KIAA2012: variants seen among roughly 807,000 people sequenced by gnomAD.
KIAA2012 encodes KIAA2012, also known as uncharacterized protein KIAA2012.
In KIAA2012, 125 loss-of-function variants were observed where a neutral mutation model predicts 150.6. The ratio of observed to expected loss-of-function variants is 0.83; its 90% CI spans 0.72 to 0.96. The LOEUF is 0.96. KIAA2012 is among the 40% of genes least tolerant of loss of function. The probability of loss-of-function intolerance (pLI) is 0.00; values close to 1 mark genes in which losing one functional copy is unlikely to be tolerated. For synonymous variants in KIAA2012, 462 were observed against 504.7 expected, an observed-to-expected ratio of 0.92 and a Z score of 1.13; for missense variants, 1,219 against 1,354.9, an observed-to-expected ratio of 0.90 and a Z score of 1.57.
chr2:202,131,323 T>C (rs1290474840), intron 12 of KIAA2012, among the ~76,000 whole-genome samples: 1 of 152,148 alleles, frequency 6.6e-6, no homozygotes, highest in Non-Finnish European at 1.5e-5. Context: ...GTATTTTTAG[T>C]ACAGATGAGG....
intron 22 of KIAA2012, among the ~76,000 whole-genome samples, chr2:202,199,499 A>AT (rs1205438414): frequency 6.6e-6 from 1 of 151,988 alleles, no homozygotes; most frequent in African/African-American, 2.4e-5. Flanking sequence ...TTTATTCTAC[A>AT]TTTTTAGCAT....
At chr2:202,203,644 A>G (rs535978192) in intron 23 of KIAA2012, among the ~76,000 whole-genome samples, 5 of 152,316 alleles carry the variant, frequency 3.3e-5, no homozygotes, top group South Asian at 2.1e-4. Context: ...AGGAAGTTCT[A>G]TTGGGCAGCA....
At chr2:202,105,936 C>G (rs189550380) in intron 9 of KIAA2012, 26 bp downstream of exon 9, 1 of 1,550,712 alleles carries the variant, frequency 6.4e-7, no homozygotes, top group Non-Finnish European at 8.7e-7. Flanking sequence ...CTCCAGCATC[C>G]CTCGGGAACC....
chr2:202,185,648 A>G (rs1692213316), intron 16 of KIAA2012, among the ~76,000 whole-genome samples: 1 of 152,270 alleles, frequency 6.6e-6, no homozygotes, highest in South Asian at 2.1e-4. Flanking sequence ...AAATCAGGAG[A>G]AAAAAACACA....
intron 14 of KIAA2012, among the ~76,000 whole-genome samples, chr2:202,162,928 C>CA (rs530486463): frequency 0.051 from 4,622 of 89,968 alleles, 328 homozygotes; most frequent in African/African-American, 0.16. Context: ...GACTCCGTCT[C>CA]AAAAAAAAAA....
intron 13 of KIAA2012, among the ~76,000 whole-genome samples, chr2:202,149,564 A>C (rs1325013433): frequency 6.6e-6 from 1 of 152,224 alleles, no homozygotes; most frequent in African/African-American, 2.4e-5. Flanking sequence ...AGGGAGTTAG[A>C]CAGTGAGAGT....
intron 13 of KIAA2012, among the ~76,000 whole-genome samples, chr2:202,150,143 G>T (rs1691392596): frequency 6.6e-6 from 1 of 152,168 alleles, no homozygotes; most frequent in South Asian, 2.1e-4. Context: ...ATTAGCTCTT[G>T]AATTCATTAA....
At chr2:202,086,366 G>A (rs1179534885) in intron 2 of KIAA2012, among the ~76,000 whole-genome samples, 2 of 152,050 alleles carry the variant, frequency 1.3e-5, no homozygotes, top group South Asian at 2.1e-4. Context: ...AAATGAGGTT[G>A]CAATTCACCC....
At chr2:202,190,845 A>G (rs1475469390) in intron 19 of KIAA2012, among the ~76,000 whole-genome samples, 1 of 152,208 alleles carries the variant, frequency 6.6e-6, no homozygotes, top group Non-Finnish European at 1.5e-5. Flanking sequence ...AGAGCTGAGC[A>G]TATTTCCTTG....
At chr2:202,156,271 G>T (rs968840253) in intron 14 of KIAA2012, among the ~76,000 whole-genome samples, 1 of 151,952 alleles carries the variant, frequency 6.6e-6, no homozygotes, top group Non-Finnish European at 1.5e-5. Context: ...TATTTGTTAC[G>T]AGTATTCAAA....
chr2:202,141,003 C>T (rs1183202286), intron 13 of KIAA2012, among the ~76,000 whole-genome samples: 1 of 152,156 alleles, frequency 6.6e-6, no homozygotes, highest in Non-Finnish European at 1.5e-5. Context: ...CTGGTATTAC[C>T]ACCCTCTAAT....
Position 202,193,385 on chromosome 2 carries a change from GAGA to G in KIAA2012, c.2903_2905del (p.Lys968del), listed in dbSNP as rs1356865096. ...AGCCGAGATGAGGTGGCTGGAGGTGGAGAAGAAGAGAAGGGAGCAGGAAGAGCA... is the reference window on the plus strand; with the variant it reads ...AGCCGAGATGAGGTGGCTGGAGGTGGAGAAGAGAAGGGAGCAGGAAGAGCA... On this transcript the variant is annotated inframe_deletion, in exon 20 of 24. Coordinates refer to ENST00000498697, the MANE Select transcript of KIAA2012 (RefSeq NM_001277372.4). 5 of 1,550,248 alleles carry G rather than the reference GAGA, an allele frequency of 3.2e-6. No individual in the cohort carries two copies. The Admixed American group carries it at 5.9e-5, about 18-fold the overall frequency.
At chr2:202,165,420 G>C (rs1187510985) in intron 15 of KIAA2012, 64 bp downstream of exon 15, 1 of 1,465,924 alleles carries the variant, frequency 6.8e-7, no homozygotes. Context: ...ACTTTGCACT[G>C]TTAAAAGATG....
chr2:202,097,368 T>G, intron 4 of KIAA2012, 67 bp from the exon 5 acceptor site: 1 of 1,537,538 alleles, frequency 6.5e-7, no homozygotes, highest in Non-Finnish European at 8.8e-7. Flanking sequence ...GGGAGGCAGT[T>G]TGGAGGCAGC....
Position 202,163,229 on chromosome 2 carries a change from G to A in KIAA2012, c.2047-2055G>A, listed in dbSNP as rs559669160. 2.9e-3 allele frequency among the ~76,000 whole-genome samples: 431 copies of A among 150,134 alleles called. 4 individuals carry two copies. The highest frequency in any genetic ancestry group is 4.3e-3 in the Non-Finnish European group (291 of 67,662). On this transcript the variant is annotated intron_variant, in intron 14 of 23. Coordinates refer to ENST00000498697, the MANE Select transcript of KIAA2012 (RefSeq NM_001277372.4). ...ATCAGTTCTCCTGCCTCAGCCTCCT[G>A]AGTAGCTGGGATTGCAGGTGCATGC... is the stretch of plus-strand genomic sequence containing the variant.
chr2:202,129,054 C>T (rs1190350313), intron 12 of KIAA2012, among the ~76,000 whole-genome samples: 2 of 151,696 alleles, frequency 1.3e-5, no homozygotes, highest in African/African-American at 2.4e-5. Context: ...GCAGAGGTTG[C>T]GGTAAGCCAA....
At chr2:202,132,249 T>C (rs1690948201) in intron 12 of KIAA2012, among the ~76,000 whole-genome samples, 1 of 152,136 alleles carries the variant, frequency 6.6e-6, no homozygotes, top group African/African-American at 2.4e-5. Context: ...ACACAGGAAT[T>C]GACATCACCA....
chr2:202,137,470 C>G (rs1172841252), intron 12 of KIAA2012: 1 of 152,058 alleles, frequency 6.6e-6, no homozygotes, highest in Non-Finnish European at 1.5e-5. Flanking sequence ...GCGCGCACCA[C>G]CACGCCCGGC....
chr2:202,091,352 G>A (rs765846523), intron 3 of KIAA2012, among the ~76,000 whole-genome samples: 1 of 152,184 alleles, frequency 6.6e-6, no homozygotes, highest in Non-Finnish European at 1.5e-5. Context: ...GATCCACCCT[G>A]CACCTCCACA....
Sources: gnomAD v4.1 joint callset for allele counts (sites outside exome capture counted in the v4.1 genomes callset) on GRCh38, gnomAD v4.1.1 for gene constraint, MANE v1.5 for transcripts, NCBI Gene and HGNC (gene_info 2026-07-23, HGNC 2026-07-21) for gene names.